The following ST7L variants were observed in gnomAD, a reference collection of about 807,000 sequenced individuals.
ST7L encodes suppression of tumorigenicity 7 like.
ST7L carries 57 observed loss-of-function variants against 72.5 expected under a neutral mutation model. The ratio of observed to expected loss-of-function variants is 0.79; its 90% CI spans 0.64 to 0.98. The LOEUF is 0.98. ST7L is among the 50% of genes least tolerant of loss of function. The pLI is 0.00. For synonymous variants in ST7L, 221 were observed against 240.9 expected (o/e 0.92, Z 0.77); for missense variants, 576 against 672.2 (o/e 0.86, Z 1.58).
At chr1:112,519,583 T>G (rs1488108007), downstream of ST7L, among the ~76,000 whole-genome samples, 2 of 152,080 alleles carry the variant, frequency 1.3e-5, no homozygotes, top group Admixed American at 6.5e-5. Flanking sequence ...GAAAACATGA[T>G]CCCTATCCTA....
intron 14 of ST7L, among the ~76,000 whole-genome samples, chr1:112,531,953 A>G (rs1654458844): frequency 6.6e-6 from 1 of 151,612 alleles, no homozygotes. Flanking sequence ...GTTATCCAGG[A>G]CTCTCTGAAC....
At chr1:112,540,306 C>A (rs904667968) in intron 14 of ST7L, 1 of 985,292 alleles carries the variant, frequency 1.0e-6, no homozygotes, top group Non-Finnish European at 1.2e-6. Context: ...CATTTTCTTT[C>A]CAGCTATTAA....
chr1:112,612,263 AAT>A (rs1323528911), intron 2 of ST7L, among the ~76,000 whole-genome samples: 3 of 151,948 alleles, frequency 2.0e-5, no homozygotes, highest in African/African-American at 7.2e-5. Context: ...ATGCCCAGCT[AAT>A]TTTTATGTTT....
intron 5 of ST7L, 57 bp from the exon 6 acceptor site, chr1:112,591,660 T>C: frequency 1.4e-6 from 2 of 1,388,616 alleles, no homozygotes; most frequent in Non-Finnish European, 1.0e-6. Context: ...TCTGCAAAAT[T>C]ATGAAGAATA....
intron 9 of ST7L, 140 bp downstream of exon 9, chr1:112,581,850 GAT>G (rs1406690998): frequency 3.1e-6 from 2 of 637,212 alleles, no homozygotes; most frequent in Non-Finnish European, 5.4e-6. Flanking sequence ...TGATAAAGAA[GAT>G]ACTAAATAGC....
upstream of ST7L, chr1:112,619,158 A>G (rs762032376): frequency 4.4e-6 from 7 of 1,587,304 alleles, no homozygotes; most frequent in South Asian, 1.1e-5. Flanking sequence ...GGAGAAGGAC[A>G]GGAAACCGGG....
At position 112,556,060 on chromosome 1, in the gene ST7L, AAAG is replaced by A. The variant is rs776246741; in HGVS notation, c.1246-45_1246-43del. On this transcript the variant is annotated intron_variant, in intron 11 of 14. Transcript: ENST00000358039. The stretch of plus-strand genomic sequence containing the variant: ...CAGACACATATACACACAACAGAAA[AAAG>A]AAAAATTAAATTGTGTTAAATTCAA... 10 of 1,352,284 alleles carry A rather than the reference AAAG, an allele frequency of 7.4e-6. No individual in the cohort carries two copies. In the South Asian group the frequency reaches 2.2e-4, roughly 30 times the overall value. 83.8% of individuals were successfully genotyped at this position (1,352,284 alleles called of 1,614,324 possible).
downstream of ST7L, chr1:112,523,055 CT>C (rs1355239688): frequency 6.6e-6 from 1 of 152,244 alleles, no homozygotes; most frequent in Admixed American, 6.5e-5. Context: ...GCCTCAGGTC[CT>C]GGCCAGCCCC....
intron 14 of ST7L, chr1:112,539,827 T>C (rs1432418266): frequency 4.1e-6 from 4 of 985,184 alleles, no homozygotes; most frequent in Non-Finnish European, 4.8e-6. Flanking sequence ...AAAATGTACA[T>C]GTAAAGGCCA....
chr1:112,557,922 T>C (rs1173635057), intron 11 of ST7L, among the ~76,000 whole-genome samples: 1 of 152,240 alleles, frequency 6.6e-6, no homozygotes, highest in African/African-American at 2.4e-5. Flanking sequence ...TGAAAATACT[T>C]GTACTAATAT....
intron 6 of ST7L, among the ~76,000 whole-genome samples, chr1:112,589,603 T>C (rs978169851): frequency 2.0e-5 from 3 of 152,246 alleles, no homozygotes; most frequent in African/African-American, 4.8e-5. Flanking sequence ...TTATCTGTCA[T>C]GTGTGACCAG....
intron 14 of ST7L, chr1:112,540,511 G>C (rs1570908853): frequency 1.0e-6 from 1 of 985,380 alleles, no homozygotes; most frequent in South Asian, 4.7e-5. Context: ...TATACTCCCT[G>C]AACAACAGTG....
intron 11 of ST7L, among the ~76,000 whole-genome samples, chr1:112,559,929 G>C (rs754788207): frequency 2.6e-5 from 4 of 152,002 alleles, no homozygotes; most frequent in Non-Finnish European, 5.9e-5. Context: ...AGTGAGCCGA[G>C]ATCGTGCCAC....
At chr1:112,612,189 C>T (rs1180177224) in intron 2 of ST7L, among the ~76,000 whole-genome samples, 3 of 151,980 alleles carry the variant, frequency 2.0e-5, no homozygotes, top group Non-Finnish European at 4.4e-5. Flanking sequence ...CTTGACCTCC[C>T]TGGGCTCAGG....
intron 5 of ST7L, among the ~76,000 whole-genome samples, chr1:112,595,753 T>A (rs561671124): frequency 6.6e-6 from 1 of 152,208 alleles, no homozygotes; most frequent in Non-Finnish European, 1.5e-5. Context: ...GTAGTGGGTA[T>A]TAAATCATTT....
intron 3 of ST7L, among the ~76,000 whole-genome samples, 181 bp from the exon 4 acceptor site, chr1:112,601,029 T>C (rs529335750): frequency 6.6e-5 from 10 of 152,322 alleles, no homozygotes; most frequent in African/African-American, 2.4e-4. Context: ...TCTGTCTCCA[T>C]AGTATTTGGT....
chr1:112,615,106 C>T (rs756787618), intron 2 of ST7L, among the ~76,000 whole-genome samples: 4 of 151,990 alleles, frequency 2.6e-5, no homozygotes, highest in Non-Finnish European at 5.9e-5. Context: ...TTCAAGTGAT[C>T]CTCCCACCTT....
intron 11 of ST7L, among the ~76,000 whole-genome samples, chr1:112,565,602 C>T (rs1420994208): frequency 6.6e-6 from 1 of 152,090 alleles, no homozygotes; most frequent in Non-Finnish European, 1.5e-5. Flanking sequence ...TTAGTTAATT[C>T]CTAACTGTTT....
intron 11 of ST7L, among the ~76,000 whole-genome samples, chr1:112,576,573 T>C (rs910523285): frequency 6.6e-6 from 1 of 152,224 alleles, no homozygotes; most frequent in African/African-American, 2.4e-5. Context: ...TTTTAATCTG[T>C]TTGTCTTCAG....
Sources: gnomAD v4.1 joint callset for allele counts (sites outside exome capture counted in the v4.1 genomes callset) on GRCh38, gnomAD v4.1.1 for gene constraint, MANE v1.5 for transcripts, NCBI Gene and HGNC (gene_info 2026-07-23, HGNC 2026-07-21) for gene names.